Variants in RYR2 observed in about 807,000 individuals in gnomAD.
RYR2 encodes the protein cardiac muscle ryanodine receptor-calcium release channel.
RYR2 carries 227 observed loss-of-function variants against 601.1 expected under a neutral mutation model. That is an observed-to-expected ratio of 0.38 (90% CI 0.34 to 0.42). The LOEUF (loss-of-function observed/expected upper bound fraction) is 0.42, where lower values mean the gene tolerates loss of function less well. Among genes scored for constraint, RYR2 ranks in the 10% least tolerant of loss-of-function variants. The pLI is 1.00. For synonymous variants in RYR2, 2,223 were observed against 2,175.1 expected (o/e 1.02, Z -0.61); for missense variants, 4,646 against 6,156.5 (o/e 0.75, Z 8.21).
intron 1 of RYR2, among the ~76,000 whole-genome samples, chr1:237,072,985 T>C (rs961769611): frequency 5.3e-5 from 8 of 150,340 alleles, no homozygotes; most frequent in Non-Finnish European, 8.9e-5. Flanking sequence ...TCTGTTAGTA[T>C]AACTAATGCT....
chr1:237,533,887 A>G (rs774083541), intron 25 of RYR2, among the ~76,000 whole-genome samples: 3 of 152,082 alleles, frequency 2.0e-5, no homozygotes, highest in Non-Finnish European at 4.4e-5. Context: ...TAATGAAGTT[A>G]ATTTTATTAT....
chr1:237,435,027 C>T (rs4537543), intron 12 of RYR2, among the ~76,000 whole-genome samples: 9,055 of 152,156 alleles, frequency 0.06, 871 homozygotes, highest in African/African-American at 0.2. Context: ...CTGCCTGCCT[C>T]GGCCTCCCAA....
rs1382790163 is a variant in RYR2 at position 237,566,787 on chromosome 1, T to G, written c.3423+12T>G. 1.2e-6 allele frequency: 2 copies of G among 1,613,762 alleles called. No homozygotes were observed. The highest frequency in any genetic ancestry group is 1.7e-6 in the Non-Finnish European group (2 of 1,179,706). On this transcript the variant is annotated intron_variant, in intron 28 of 104. Transcript: ENST00000366574. ...TTGATGGCTTCAAGGTGAGTGGACT[T>G]TGTCCTGTGCCAGTCATCTGTACGT...
intron 1 of RYR2, among the ~76,000 whole-genome samples, chr1:237,179,091 G>A (rs1678409108): frequency 6.6e-6 from 1 of 152,112 alleles, no homozygotes; most frequent in Non-Finnish European, 1.5e-5. Flanking sequence ...AAATGTGATA[G>A]CTTTTAGGGC....
At chr1:237,392,742 G>C (rs1325914614) in intron 10 of RYR2, among the ~76,000 whole-genome samples, 2 of 152,078 alleles carry the variant, frequency 1.3e-5, no homozygotes, top group African/African-American at 4.8e-5. Context: ...ATTTTAAAAT[G>C]GATGCATTGG....
chr1:237,460,815 C>T (rs1256183344), intron 16 of RYR2, among the ~76,000 whole-genome samples: 1 of 152,126 alleles, frequency 6.6e-6, no homozygotes, highest in East Asian at 1.9e-4. Context: ...AGTCATTCCC[C>T]TCATAAGGTT....
In RYR2 at chr1:237,610,478, A is replaced by T. The variant is rs1677716763; in HGVS notation, c.4684-284A>T. Among the ~76,000 whole-genome samples the T allele has an allele frequency of 6.6e-6, 1 of 152,178 alleles. No homozygotes were observed. Among genetic ancestry groups the T allele is most frequent in the South Asian group, 2.1e-4 (1 of 4,832 alleles). ...AAAGAAATATAAAGGATATATGGGT[A>T]TGCTTGGCCTTCTCTCTGTGCCATT... is the stretch of plus-strand genomic sequence containing the variant. On this transcript the variant is annotated intron_variant, in intron 35 of 104. Coordinates refer to ENST00000366574, the MANE Select transcript of RYR2 (RefSeq NM_001035.3). The surrounding 1 kb of genome is among the most constrained non-coding windows in gnomAD (Gnocchi z 4.9).
chr1:237,490,957 G>A (rs929332233), intron 17 of RYR2, among the ~76,000 whole-genome samples: 1 of 152,098 alleles, frequency 6.6e-6, no homozygotes, highest in Non-Finnish European at 1.5e-5. Flanking sequence ...GATGTTTTCT[G>A]TATGTTGGGT....
Position 237,107,486 on chromosome 1 carries a change from C to T in RYR2, c.48+64917C>T, listed in dbSNP as rs1338904467. ...AGTGAGCCGAGATCGCACCACTGCACTCCAGCCTGGGAGACAGAGTGAGAC... is the reference window on the plus strand; with the variant it reads ...AGTGAGCCGAGATCGCACCACTGCATTCCAGCCTGGGAGACAGAGTGAGAC... On this transcript the variant is annotated intron_variant, in intron 1 of 104. Coordinates refer to ENST00000366574, the MANE Select transcript of RYR2 (RefSeq NM_001035.3). Among the ~76,000 whole-genome samples the T allele has an allele frequency of 1.2e-4, 13 of 109,524 alleles. No individual in the cohort carries two copies. In the Admixed American group the frequency reaches 2.0e-3, roughly 17 times the overall value. 71.9% of individuals were successfully genotyped at this position (109,524 alleles called of 152,430 possible). A position where few individuals can be genotyped will look rare whatever the true frequency, so the allele number is the denominator to read the frequency against.
chr1:237,053,739 G>A (rs79552183), intron 1 of RYR2, among the ~76,000 whole-genome samples: 117 of 152,250 alleles, frequency 7.7e-4, no homozygotes, highest in Non-Finnish European at 1.6e-3. Context: ...TAAGGAAAAC[G>A]CAAATATTCT....
chr1:237,754,931 C>A, intron 80 of RYR2: 1 of 392,402 alleles, frequency 2.5e-6, no homozygotes. Flanking sequence ...TAAAGCAAAG[C>A]TGCCTCTTTT....
At chr1:237,585,238 G>T (rs768392813) in intron 29 of RYR2, among the ~76,000 whole-genome samples, 8 of 152,174 alleles carry the variant, frequency 5.3e-5, no homozygotes, top group Non-Finnish European at 1.0e-4. Flanking sequence ...GGATCCACCA[G>T]ACTTGGATTT....
intron 2 of RYR2, among the ~76,000 whole-genome samples, chr1:237,316,352 T>G (rs1319422609): frequency 6.6e-6 from 1 of 152,214 alleles, no homozygotes; most frequent in Non-Finnish European, 1.5e-5. Flanking sequence ...TAAATTGTCA[T>G]TCTACATCTG....
At chr1:237,770,045 A>C (rs1168598076) in intron 84 of RYR2, among the ~76,000 whole-genome samples, 2 of 152,094 alleles carry the variant, frequency 1.3e-5, no homozygotes, top group Non-Finnish European at 2.9e-5. Flanking sequence ...TTAGTGTTGG[A>C]TGATGCAGAG....
chr1:237,733,719 A>AT lies in RYR2; in HGVS notation c.11060dup (p.Leu3687PhefsTer15). On this transcript the variant is annotated frameshift_variant, in exon 79 of 105. Coordinates refer to ENST00000366574, the MANE Select transcript of RYR2 (RefSeq NM_001035.3). LOFTEE classifies it high-confidence loss of function. ...GCTTTCCCCAGCAAACTGGAGGAAG[A>AT]TTTTTTATATATGGCCTATGCAGAT... The AT allele has an allele frequency of 6.2e-7, 1 of 1,610,146 alleles. No homozygotes were observed. Among genetic ancestry groups the AT allele is most frequent in the Non-Finnish European group, 8.5e-7 (1 of 1,177,014 alleles).
At chr1:237,044,312 T>TAA (rs2148077853) in intron 1 of RYR2, among the ~76,000 whole-genome samples, 1 of 152,338 alleles carries the variant, frequency 6.6e-6, no homozygotes, top group Admixed American at 6.5e-5. Flanking sequence ...TCTGTGGGGT[T>TAA]AAAACTAGCT....
intron 24 of RYR2, among the ~76,000 whole-genome samples, chr1:237,526,043 G>A (rs1055473233): frequency 2.0e-5 from 3 of 151,956 alleles, no homozygotes; most frequent in African/African-American, 7.2e-5. Context: ...TCCAGTTGTG[G>A]GATTGCAGGG....
At chr1:237,119,615 C>T (rs548447874) in intron 1 of RYR2, among the ~76,000 whole-genome samples, 7 of 152,106 alleles carry the variant, frequency 4.6e-5, no homozygotes, top group East Asian at 3.9e-4. Context: ...AGGATCACAT[C>T]GGATGAATGG....
chr1:237,651,508 A>C lies in RYR2; in HGVS notation c.7824+7A>C. ...CGCAAAGATGCCTCTTAAAGTAAGTATAGGAAATGTTTGTAGATATTTGAT... is the reference window on the plus strand; with the variant it reads ...CGCAAAGATGCCTCTTAAAGTAAGTCTAGGAAATGTTTGTAGATATTTGAT... On this transcript the variant is annotated splice_region_variant and intron_variant, in intron 51 of 104. Transcript: ENST00000366574. 6.7e-7 allele frequency: 1 copy of C among 1,503,712 alleles called. No homozygotes were observed. The highest frequency in any genetic ancestry group is 9.1e-7 in the Non-Finnish European group (1 of 1,098,720). The allele number at this position is 1,503,712 out of a possible 1,614,324, so 93.1% of individuals were successfully genotyped here.
Sources: gnomAD v4.1 joint callset for allele counts (sites outside exome capture counted in the v4.1 genomes callset) on GRCh38, gnomAD v4.1.1 for gene constraint, Gnocchi (gnomAD v3.1) non-coding constraint, MANE v1.5 for transcripts, NCBI Gene and HGNC (gene_info 2026-07-23, HGNC 2026-07-21) for gene names.